The following TESPA1 variants were observed in gnomAD, a reference collection of about 807,000 sequenced individuals.
TESPA1 encodes thymocyte expressed, positive selection associated 1.
Under a neutral mutation model 57.9 loss-of-function variants are expected in TESPA1, and 33 were observed. That is an observed-to-expected ratio of 0.57 (90% CI 0.43 to 0.76). TESPA1 has a LOEUF of 0.76. Among genes scored for constraint, TESPA1 ranks in the 30% least tolerant of loss-of-function variants. TESPA1 has a pLI of 0.00. For missense variants in TESPA1, 618 were observed against 632.9 expected (o/e 0.98, Z 0.25); for synonymous variants, 227 against 228.9 (o/e 0.99, Z 0.07).
chr12:54,957,181 G>T (rs1025806400), intron 10 of TESPA1, among the ~76,000 whole-genome samples: 8 of 152,130 alleles, frequency 5.3e-5, no homozygotes, highest in African/African-American at 1.7e-4. Context: ...AGCTCAGTAG[G>T]GCTGGATTCT....
chr12:54,963,198 A>G lies in TESPA1; in HGVS notation c.700T>C (p.Phe234Leu), dbSNP rs769575805. The change falls in exon 9 of 11, where the codon TTC (phenylalanine) becomes CTC (leucine). Residue 234 changes from phenylalanine to leucine, a missense_variant. This residue lies in a region of TESPA1 where 409 missense variants were observed against 420.1 expected (regional missense o/e 0.97). Transcript: ENST00000449076. ...GACACATAGGAGTAGAGACAGAAGA[A>G]GGCATCAGCAGTGACAGCCAGTGTT... is the stretch of plus-strand genomic sequence containing the variant. ...VQTLAVTADA[F>L]FCLYSYVSKT... 1 of 1,613,666 alleles carries G rather than the reference A, an allele frequency of 6.2e-7. No individual in the cohort carries two copies. The highest frequency in any genetic ancestry group is 1.7e-5 in the Admixed American group (1 of 59,992).
At chr12:54,969,021 GTATA>G (rs56901356) in intron 3 of TESPA1, among the ~76,000 whole-genome samples, 1,329 of 83,648 alleles carry the variant, frequency 0.016, 22 homozygotes, top group South Asian at 0.036. Context: ...ATTTATATAT[GTATA>G]TATATATATA....
At chr12:54,974,812 T>A (rs530599766) in intron 1 of TESPA1, among the ~76,000 whole-genome samples, 1 of 152,326 alleles carries the variant, frequency 6.6e-6, no homozygotes, top group East Asian at 1.9e-4. Flanking sequence ...CCGGGATAAG[T>A]CTTTCAAGCC....
chr12:54,965,938 G>T, intron 7 of TESPA1, 115 bp downstream of exon 7: 1 of 955,330 alleles, frequency 1.0e-6, no homozygotes, highest in Non-Finnish European at 1.6e-6. Flanking sequence ...TGCAGTAAAA[G>T]TGCATAAAAG....
chr12:54,977,597 T>G (rs1223226970), intron 1 of TESPA1, among the ~76,000 whole-genome samples: 1 of 152,240 alleles, frequency 6.6e-6, no homozygotes, highest in Non-Finnish European at 1.5e-5. Context: ...GAATCCTTAA[T>G]GCTTAAGAGT....
At chr12:54,969,046 T>TATATATATATATATATATATATATAA in intron 3 of TESPA1, among the ~76,000 whole-genome samples, 1 of 124,474 alleles carries the variant, frequency 8.0e-6, no homozygotes, top group Admixed American at 9.2e-5. Flanking sequence ...TATATATATA[T>TATATATATATATATATATATATATAA]GTGTGTGTGT....
chr12:54,976,481 G>T (rs1489935247), intron 1 of TESPA1, among the ~76,000 whole-genome samples: 1 of 151,922 alleles, frequency 6.6e-6, no homozygotes, highest in Non-Finnish European at 1.5e-5. Flanking sequence ...CAAAAGGAAG[G>T]CAGGAAACCA....
chr12:54,968,234 T>C (rs1336853907), intron 3 of TESPA1, among the ~76,000 whole-genome samples: 23 of 152,212 alleles, frequency 1.5e-4, no homozygotes. Context: ...ATTACATTCA[T>C]AGAAGCAGGC....
At chr12:54,964,935 G>A (rs1268216945) in intron 7 of TESPA1, among the ~76,000 whole-genome samples, 1 of 152,120 alleles carries the variant, frequency 6.6e-6, no homozygotes, top group Non-Finnish European at 1.5e-5. Flanking sequence ...TTGAACTAGG[G>A]TATGAACTAG....
intron 10 of TESPA1, among the ~76,000 whole-genome samples, chr12:54,952,840 AT>A (rs5798331): frequency 0.23 from 34,690 of 152,064 alleles, 6,598 homozygotes; most frequent in East Asian, 0.84. Flanking sequence ...TGTTATTCCT[AT>A]TTTTACTTCA....
chr12:54,957,840 C>T (rs11171193), intron 10 of TESPA1, among the ~76,000 whole-genome samples: 3,150 of 152,236 alleles, frequency 0.021, 162 homozygotes, highest in East Asian at 0.16. Flanking sequence ...ATTTTACATT[C>T]CACTTAAGGA....
Position 54,962,977 on chromosome 12 carries a change from G to T in TESPA1, c.921C>A (p.Pro307=), listed in dbSNP as rs1465290663. 1.9e-6 allele frequency: 3 copies of T among 1,613,568 alleles called. No individual in the cohort carries two copies. Residue 307 remains proline (P), a synonymous_variant, in exon 9 of 11, where the codon CCC becomes CCA. Coordinates refer to ENST00000449076, the MANE Select transcript of TESPA1 (RefSeq NM_001136030.3). ...RDRPPPPHNT[P]KRNSLDQVVL... ...CAACTTGGTCCAAACTGTTCCTTTT[G>T]GGGGTGTTGTGGGGTGGTGGTGGCC...
rs1190458973 is a variant in TESPA1 at position 54,950,383 on chromosome 12, G to T, written c.*9C>A. On this transcript the variant is annotated 3_prime_UTR_variant, in exon 11 of 11. Coordinates refer to ENST00000449076, the MANE Select transcript of TESPA1 (RefSeq NM_001136030.3). ...CAGACCACATGCTGTTGTGGTGGTG[G>T]AGAAAGCCTGCAATGGGAATAAAAA... The T allele has an allele frequency of 4.4e-6, 2 of 455,604 alleles. No homozygotes were observed. The highest frequency in any genetic ancestry group is 8.8e-6 in the Non-Finnish European group (2 of 226,646). The allele number at this position is 455,604 out of a possible 1,614,324, so 28.2% of individuals were successfully genotyped here.
intron 7 of TESPA1, among the ~76,000 whole-genome samples, chr12:54,964,670 T>G (rs904276450): frequency 2.6e-5 from 4 of 152,220 alleles, no homozygotes; most frequent in Non-Finnish European, 2.9e-5. Context: ...TCACTATCAC[T>G]CTCTTCAGAA....
intron 3 of TESPA1, among the ~76,000 whole-genome samples, chr12:54,971,934 T>C (rs537550336): frequency 3.3e-5 from 5 of 152,250 alleles, no homozygotes. Context: ...AAACTCCTCC[T>C]TTATAAAACT....
rs1474652330 is a variant in TESPA1 at position 54,967,063 on chromosome 12, T to C, written c.310+120A>G. ...TAATAATGAGACTGCCCTTTCCCTG[T>C]AGATAAGACCCCAGGGATGGGCTGT... On this transcript the variant is annotated intron_variant, in intron 5 of 10. Transcript: ENST00000449076. 9.0e-6 allele frequency: 10 copies of C among 1,105,292 alleles called. No individual in the cohort carries two copies. The East Asian group carries it at 2.0e-4, about 23-fold the overall frequency. The allele number at this position is 1,105,292 out of a possible 1,614,324, so 68.5% of individuals were successfully genotyped here. A position where few individuals can be genotyped will look rare whatever the true frequency, so the allele number is the denominator to read the frequency against.
intron 10 of TESPA1, among the ~76,000 whole-genome samples, chr12:54,955,255 T>C (rs761830239): frequency 1.3e-5 from 2 of 152,208 alleles, no homozygotes; most frequent in Admixed American, 6.5e-5. Flanking sequence ...TTCCAAAATA[T>C]ATGAGAAACT....
rs1014186065 is a variant in TESPA1, at chr12:54,949,202, A to G, written c.*1190T>C. 6 of 152,002 alleles carry G rather than the reference A, an allele frequency of 3.9e-5. No individual in the cohort carries two copies. Among genetic ancestry groups the G allele is most frequent in the Non-Finnish European group, 8.8e-5 (6 of 67,978 alleles). The allele number at this position is 152,002 out of a possible 1,614,324, so 9.4% of individuals were successfully genotyped here. On this transcript the variant is annotated 3_prime_UTR_variant, in exon 11 of 11. Coordinates refer to ENST00000449076, the MANE Select transcript of TESPA1 (RefSeq NM_001136030.3). ...ACACAGATGGTTTAAAAATTTTTCCACCCTAGCCCTTTTGTCTCTGCCTCA... is the reference window on the plus strand; with the variant it reads ...ACACAGATGGTTTAAAAATTTTTCCGCCCTAGCCCTTTTGTCTCTGCCTCA...
upstream of TESPA1, among the ~76,000 whole-genome samples, chr12:54,985,031 C>T (rs1478425606): frequency 6.6e-6 from 1 of 152,210 alleles, no homozygotes; most frequent in Non-Finnish European, 1.5e-5. Context: ...TCCACTGCTG[C>T]AGATAAATCC....
Sources: allele counts gnomAD v4.1 joint callset (sites outside exome capture counted in the v4.1 genomes callset), GRCh38; gene constraint gnomAD v4.1.1; regional missense constraint gnomAD v4.1.1; transcripts MANE v1.5; gene names NCBI Gene and HGNC (gene_info 2026-07-23, HGNC 2026-07-21).